BHLHE40: variants seen among roughly 807,000 people sequenced by gnomAD.
The protein encoded by BHLHE40 is basic helix-loop-helix family member e40.
In BHLHE40, 3 loss-of-function variants were observed where a neutral mutation model predicts 35.7. That is an observed-to-expected ratio of 0.08 (90% CI 0.04 to 0.22). The LOEUF (loss-of-function observed/expected upper bound fraction) is 0.22, where lower values mean the gene tolerates loss of function less well. BHLHE40 is among the 10% of genes least tolerant of loss of function. BHLHE40 has a pLI of 1.00. For missense variants in BHLHE40, 486 were observed against 524.0 expected (o/e 0.93, Z 0.71); for synonymous variants, 236 against 213.0 (o/e 1.11, Z -0.94).
Position 4,983,660 on chromosome 3 carries a change from A to AT in BHLHE40, c.1208dup (p.Leu406PhefsTer25), listed in dbSNP as rs2053221559. 6.2e-7 allele frequency: 1 copy of AT among 1,612,564 alleles called. No homozygotes were observed. The highest frequency in any genetic ancestry group is 8.5e-7 in the Non-Finnish European group (1 of 1,179,106). Reference sequence around the variant, plus strand: ...TGTCTTGCTCCAAGCTCTGAAGCCAATCCCCCCTTTAAACTTAGAAACCAA... The same window carrying AT: ...TGTCTTGCTCCAAGCTCTGAAGCCAATTCCCCCCTTTAAACTTAGAAACCAA... On this transcript the variant is annotated frameshift_variant, in exon 5 of 5. Coordinates refer to ENST00000256495, the MANE Select transcript of BHLHE40 (RefSeq NM_003670.3). LOFTEE classifies it high-confidence loss of function. This position sits in a 1 kb window ranked among gnomAD's most constrained non-coding sequence, Gnocchi z 5.0.
chr3:4,983,170 G>C lies in BHLHE40; in HGVS notation c.717G>C (p.Thr239=), dbSNP rs148619573. ...GTGGGGAGCAGAGCGGCAGCGACAC[G>C]GACACAGACAGTGGCTATGGAGGAG... ...HSSGEQSGSD[T]DTDSGYGGES... The change falls in exon 5 of 5, where the codon ACG becomes ACC. Residue 239 remains threonine (T), a synonymous_variant. Transcript: ENST00000256495. This position sits in a 1 kb window ranked among gnomAD's most constrained non-coding sequence, Gnocchi z 5.0. The C allele has an allele frequency of 6.2e-7, 1 of 1,614,094 alleles. No individual in the cohort carries two copies. Among genetic ancestry groups the C allele is most frequent in the East Asian group, 2.2e-5 (1 of 44,890 alleles).
chr3:4,981,457 A>G lies in BHLHE40; in HGVS notation c.324A>G (p.Thr108=). 6.2e-7 allele frequency: 1 copy of G among 1,614,148 alleles called. No individual in the cohort carries two copies. Among genetic ancestry groups the G allele is most frequent in the Non-Finnish European group, 8.5e-7 (1 of 1,180,000 alleles). ...CCTTGAAGCATGTGAAAGCACTAACAAACCTAATTGATCAGCAGCAGCAGA... is the reference window on the plus strand; with the variant it reads ...CCTTGAAGCATGTGAAAGCACTAACGAACCTAATTGATCAGCAGCAGCAGA... ...ELTLKHVKAL[T]NLIDQQQQKI... Residue 108 remains threonine, a synonymous_variant, in exon 4 of 5, where the codon ACA becomes ACG. Coordinates refer to ENST00000256495, the MANE Select transcript of BHLHE40 (RefSeq NM_003670.3).
intron 3 of BHLHE40, 43 bp downstream of exon 3, chr3:4,980,451 A>G (rs368759036): frequency 1.3e-6 from 2 of 1,556,582 alleles, no homozygotes; most frequent in African/African-American, 1.4e-5. Context: ...TCCTTTGCCC[A>G]GAGGGCGGGC....
Position 4,979,445 on chromosome 3 carries a change from G to T in BHLHE40, c.-274G>T. 2 of 209,764 alleles carry T rather than the reference G, an allele frequency of 9.5e-6. No individual in the cohort carries two copies. The highest frequency in any genetic ancestry group is 2.5e-5 in the African/African-American group (1 of 40,548). 13.0% of individuals were successfully genotyped at this position (209,764 alleles called of 1,614,324 possible). ...CGCCCGCCCCACTTCTCATTCACTT[G>T]GCTCGCACGGCGCAGACAGACCGCG... On this transcript the variant is annotated 5_prime_UTR_variant, in exon 1 of 5. Coordinates refer to ENST00000256495, the MANE Select transcript of BHLHE40 (RefSeq NM_003670.3).
chr3:4,985,099 G>GT lies in BHLHE40; in HGVS notation c.*1408dup, dbSNP rs1452257123. The GT allele has an allele frequency of 6.6e-6, 1 of 152,386 alleles. No homozygotes were observed. The highest frequency in any genetic ancestry group is 1.5e-5 in the Non-Finnish European group (1 of 67,994). 9.4% of individuals were successfully genotyped at this position (152,386 alleles called of 1,614,324 possible). On this transcript the variant is annotated 3_prime_UTR_variant, in exon 5 of 5. Transcript: ENST00000256495. ...GGAGCCTTCCTGAAGGTGTAAAATT[G>GT]TAAATATTTTTATCTATGAGTAAAT... is the stretch of plus-strand genomic sequence containing the variant.
intron 3 of BHLHE40, among the ~76,000 whole-genome samples, 187 bp from the exon 4 acceptor site, chr3:4,981,205 C>T (rs1380420741): frequency 7.4e-5 from 11 of 148,392 alleles, no homozygotes; most frequent in African/African-American, 2.7e-4. Flanking sequence ...CACACACACA[C>T]ACACACACAC....
Position 4,981,434 on chromosome 3 carries a change from T to C in BHLHE40, c.301T>C (p.Leu101=), listed in dbSNP as rs773649500. 4 of 1,613,990 alleles carry C rather than the reference T, an allele frequency of 2.5e-6. No homozygotes were observed. The highest frequency in any genetic ancestry group is 3.4e-6 in the Non-Finnish European group (4 of 1,180,006). The change falls in exon 4 of 5, where the codon TTG becomes CTG. Residue 101 remains leucine (L), a synonymous_variant. Coordinates refer to ENST00000256495, the MANE Select transcript of BHLHE40 (RefSeq NM_003670.3). The part of the protein sequence containing the change: ...LEKAVVLELT[L]KHVKALTNLI... ...AAAAGCAGTGGTTCTTGAACTTACC[T>C]TGAAGCATGTGAAAGCACTAACAAA...
intron 2 of BHLHE40, 32 bp from the exon 3 acceptor site, chr3:4,980,269 A>G (rs1575513448): frequency 8.8e-6 from 14 of 1,591,868 alleles, no homozygotes; most frequent in Non-Finnish European, 1.2e-5. Flanking sequence ...CTCCTTCCCC[A>G]AGCGCCCACC....
chr3:4,982,767 T>C, intron 4 of BHLHE40, 69 bp from the exon 5 acceptor site: 4 of 1,569,912 alleles, frequency 2.5e-6, no homozygotes, highest in Non-Finnish European at 3.4e-6. Context: ...ACCTGGTTTT[T>C]TGGAGTATAG....
intron 3 of BHLHE40, among the ~76,000 whole-genome samples, 163 bp from the exon 4 acceptor site, chr3:4,981,229 T>C (rs1044125116): frequency 6.6e-6 from 1 of 150,530 alleles, no homozygotes; most frequent in Non-Finnish European, 1.5e-5. Flanking sequence ...TATATGAGTG[T>C]ATCTGTCTAT....
In BHLHE40 at chr3:4,983,299, C is replaced by G. The variant is rs767694119; in HGVS notation, c.846C>G (p.Ser282=). Residue 282 remains serine (S), a synonymous_variant, in exon 5 of 5, where the codon TCC becomes TCG. Transcript: ENST00000256495. The surrounding 1 kb of genome is among the most constrained non-coding windows in gnomAD (Gnocchi z 5.0). Reference sequence around the variant, plus strand: ...GGATCGGCGCAATTAAGCAAGAGTCCGAAGAACCCCCCACAAAAAAGAACC... The same window carrying G: ...GGATCGGCGCAATTAAGCAAGAGTCGGAAGAACCCCCCACAAAAAAGAACC... ...GERIGAIKQE[S]EEPPTKKNRM... is the part of the protein sequence containing the mutation. The G allele has an allele frequency of 1.9e-6, 3 of 1,613,974 alleles. No individual in the cohort carries two copies. Among genetic ancestry groups the G allele is most frequent in the Non-Finnish European group, 2.5e-6 (3 of 1,180,032 alleles).
At chr3:4,981,293 C>A in intron 3 of BHLHE40, 99 bp from the exon 4 acceptor site, 1 of 1,445,626 alleles carries the variant, frequency 6.9e-7, no homozygotes. Context: ...AAACACTATT[C>A]CACTTTTTTT....
rs1047732702 is a variant in BHLHE40, at chr3:4,979,466, C to T, written c.-253C>T. 9 of 446,538 alleles carry T rather than the reference C, an allele frequency of 2.0e-5. No individual in the cohort carries two copies. The East Asian group carries it at 2.7e-4, about 13-fold the overall frequency. The allele number at this position is 446,538 out of a possible 1,614,324, so 27.7% of individuals were successfully genotyped here. ...ACTTGGCTCGCACGGCGCAGACAGA[C>T]CGCGCAGGGAGCACACACCGCCAGT... On this transcript the variant is annotated 5_prime_UTR_variant, in exon 1 of 5. Coordinates refer to ENST00000256495, the MANE Select transcript of BHLHE40 (RefSeq NM_003670.3).
At position 4,983,965 on chromosome 3, in the gene BHLHE40, G is replaced by T. The variant is rs34870629; in HGVS notation, c.*273G>T. The T allele has an allele frequency of 0.14, 59,532 of 439,888 alleles. 4,493 individuals are homozygous for T. The highest frequency in any genetic ancestry group is 0.21 in the Admixed American group (5,156 of 24,770). The allele number at this position is 439,888 out of a possible 1,614,324, so 27.2% of individuals were successfully genotyped here. On this transcript the variant is annotated 3_prime_UTR_variant, in exon 5 of 5. Coordinates refer to ENST00000256495, the MANE Select transcript of BHLHE40 (RefSeq NM_003670.3). The surrounding 1 kb of genome is among the most constrained non-coding windows in gnomAD (Gnocchi z 5.0). ...GCTTGACATCAGGAGACTTGGGGGGGATTGTAGCAGACGTCTGGGCTTTTC... is the reference window on the plus strand; with the variant it reads ...GCTTGACATCAGGAGACTTGGGGGGTATTGTAGCAGACGTCTGGGCTTTTC...
chr3:4,983,707 C>A lies in BHLHE40; in HGVS notation c.*15C>A. 1 of 1,564,070 alleles carries A rather than the reference C, an allele frequency of 6.4e-7. No homozygotes were observed. The highest frequency in any genetic ancestry group is 8.6e-7 in the Non-Finnish European group (1 of 1,158,224). ...CCAAAGACTAAACTCTCTAGGGGATCCTGCTGCTTTGCTTTCCTTCCTCGC... is the reference window on the plus strand; with the variant it reads ...CCAAAGACTAAACTCTCTAGGGGATACTGCTGCTTTGCTTTCCTTCCTCGC... On this transcript the variant is annotated 3_prime_UTR_variant, in exon 5 of 5. Coordinates refer to ENST00000256495, the MANE Select transcript of BHLHE40 (RefSeq NM_003670.3). The surrounding 1 kb of genome is among the most constrained non-coding windows in gnomAD (Gnocchi z 5.0).
Position 4,983,134 on chromosome 3 carries a change from C to T in BHLHE40, c.681C>T (p.Phe227=), listed in dbSNP as rs910887911. The T allele has an allele frequency of 6.8e-6, 11 of 1,613,972 alleles. No homozygotes were observed. The African/African-American group carries it at 8.0e-5, about 12-fold the overall frequency. The change falls in exon 5 of 5, where the codon TTC becomes TTT. Residue 227 remains phenylalanine (F), a synonymous_variant. Transcript: ENST00000256495. The surrounding 1 kb of genome is among the most constrained non-coding windows in gnomAD (Gnocchi z 5.0). ...GCGTGCCAGTCATCCAGCGGACTTT[C>T]GCTCACTCGAGTGGGGAGCAGAGCG... ...KNCVPVIQRT[F]AHSSGEQSGS... is the part of the protein sequence containing the mutation.
rs1342618997 is a variant in BHLHE40, at chr3:4,983,876, G to C, written c.*184G>C. 1.3e-6 allele frequency: 1 copy of C among 773,392 alleles called. No individual in the cohort carries two copies. Among genetic ancestry groups the C allele is most frequent in the Admixed American group, 3.1e-5 (1 of 32,528 alleles). The allele number at this position is 773,392 out of a possible 1,614,324, so 47.9% of individuals were successfully genotyped here. The stretch of plus-strand genomic sequence containing the variant: ...TGTGTATGTGCGTGTGCGTGCACAT[G>C]TGTGCCTGCGTGTTGGTATAGGACT... On this transcript the variant is annotated 3_prime_UTR_variant, in exon 5 of 5. Coordinates refer to ENST00000256495, the MANE Select transcript of BHLHE40 (RefSeq NM_003670.3). This position sits in a 1 kb window ranked among gnomAD's most constrained non-coding sequence, Gnocchi z 5.0.
chr3:4,981,625 C>A, intron 4 of BHLHE40, 110 bp downstream of exon 4: 2 of 1,377,986 alleles, frequency 1.5e-6, no homozygotes, highest in South Asian at 1.4e-5. Flanking sequence ...TGCTTATGCA[C>A]GTTCATTGGG....
Position 4,983,778 on chromosome 3 carries a change from T to C in BHLHE40, c.*86T>C. On this transcript the variant is annotated 3_prime_UTR_variant, in exon 5 of 5. Coordinates refer to ENST00000256495, the MANE Select transcript of BHLHE40 (RefSeq NM_003670.3). This position sits in a 1 kb window ranked among gnomAD's most constrained non-coding sequence, Gnocchi z 5.0. ...AAAAGTTTTTGTGAATGCTGCAAGA[T>C]TGTTGCATTGTGTATACTGAGATAA... 6.8e-7 allele frequency: 1 copy of C among 1,465,686 alleles called. No individual in the cohort carries two copies. Among genetic ancestry groups the C allele is most frequent in the Non-Finnish European group, 9.1e-7 (1 of 1,096,134 alleles). The allele number at this position is 1,465,686 out of a possible 1,614,324, so 90.8% of individuals were successfully genotyped here. A position where few individuals can be genotyped will look rare whatever the true frequency, so the allele number is the denominator to read the frequency against.
Sources: allele counts gnomAD v4.1 joint callset (sites outside exome capture counted in the v4.1 genomes callset), GRCh38; gene constraint gnomAD v4.1.1; non-coding constraint Gnocchi (gnomAD v3.1); transcripts MANE v1.5; gene names NCBI Gene and HGNC (gene_info 2026-07-23, HGNC 2026-07-21).